CTNND2: variants seen among roughly 807,000 people sequenced by gnomAD.
CTNND2 encodes catenin delta-2.
In CTNND2, 22 loss-of-function variants were observed where a neutral mutation model predicts 144.4. The ratio of observed to expected loss-of-function variants is 0.15; its 90% CI spans 0.11 to 0.22. CTNND2 has a LOEUF of 0.22. Ranked by LOEUF, CTNND2 falls within the 10% of genes least tolerant of loss-of-function variation. CTNND2 has a pLI of 1.00. For synonymous variants in CTNND2, 751 were observed against 695.6 expected (o/e 1.08, Z -1.25); for missense variants, 1,353 against 1,618.8 (o/e 0.84, Z 2.82).
intron 1 of CTNND2, among the ~76,000 whole-genome samples, chr5:11,873,958 T>C (rs749436518): frequency 2.0e-5 from 3 of 152,198 alleles, no homozygotes; most frequent in Non-Finnish European, 4.4e-5. Context: ...CTAATATTAC[T>C]ACCTGCAGGG....
intron 2 of CTNND2, among the ~76,000 whole-genome samples, chr5:11,622,246 T>C (rs573489150): frequency 1.3e-5 from 2 of 152,280 alleles, no homozygotes; most frequent in African/African-American, 4.8e-5. Context: ...AAGTTTATAA[T>C]GAATAGATTC....
chr5:11,630,481 T>C (rs897370729), intron 2 of CTNND2, among the ~76,000 whole-genome samples: 15 of 152,170 alleles, frequency 9.9e-5, no homozygotes, highest in East Asian at 1.9e-4. Flanking sequence ...GGCAAACCAA[T>C]TGGTGTAAAG....
chr5:11,012,119 T>G (rs578253880), intron 18 of CTNND2, among the ~76,000 whole-genome samples: 26 of 152,238 alleles, frequency 1.7e-4, no homozygotes, highest in African/African-American at 5.5e-4. Flanking sequence ...GCAACTCCCA[T>G]GGATATATTA....
chr5:11,640,054 T>A (rs1295274059), intron 2 of CTNND2, among the ~76,000 whole-genome samples: 1 of 152,238 alleles, frequency 6.6e-6, no homozygotes, highest in Non-Finnish European at 1.5e-5. Flanking sequence ...TATTGTTGCA[T>A]GTTGAAAGAA....
chr5:11,232,464 A>C (rs1010507708), intron 10 of CTNND2, among the ~76,000 whole-genome samples: 1 of 152,248 alleles, frequency 6.6e-6, no homozygotes, highest in Non-Finnish European at 1.5e-5. Context: ...ACATGAAGTC[A>C]AAGGAGATCA....
chr5:11,166,653 C>T (rs922018534), intron 11 of CTNND2, among the ~76,000 whole-genome samples: 2 of 152,084 alleles, frequency 1.3e-5, no homozygotes, highest in African/African-American at 4.8e-5. Flanking sequence ...TCCACCCACA[C>T]CCATTCACAC....
intron 1 of CTNND2, among the ~76,000 whole-genome samples, chr5:11,776,758 A>G (rs1384022765): frequency 1.3e-5 from 2 of 152,336 alleles, no homozygotes; most frequent in Non-Finnish European, 2.9e-5. Flanking sequence ...GCAAATAAAA[A>G]TTACTTTTAA....
At chr5:11,435,026 T>C (rs1230022540) in intron 3 of CTNND2, among the ~76,000 whole-genome samples, 1 of 152,152 alleles carries the variant, frequency 6.6e-6, no homozygotes, top group Non-Finnish European at 1.5e-5. Context: ...TTTTACTTTA[T>C]TACAGAAATA....
At chr5:11,753,611 A>G (rs952121042) in intron 1 of CTNND2, among the ~76,000 whole-genome samples, 1 of 151,768 alleles carries the variant, frequency 6.6e-6, no homozygotes, top group African/African-American at 2.4e-5. Flanking sequence ...ATGTTCATCA[A>G]GGATATTGGC....
At chr5:11,363,482 A>G (rs576186308) in intron 8 of CTNND2, among the ~76,000 whole-genome samples, 98 of 152,336 alleles carry the variant, frequency 6.4e-4, no homozygotes, top group African/African-American at 2.3e-3. Context: ...CCCAACTCCA[A>G]GCAGGAGTGG....
chr5:11,778,435 T>C (rs4285221), intron 1 of CTNND2, among the ~76,000 whole-genome samples: 148,941 of 152,272 alleles, frequency 0.98, 72,921 homozygotes, highest in South Asian at 1. Flanking sequence ...CAGGTGACAT[T>C]GTCAGCATCA....
intron 9 of CTNND2, among the ~76,000 whole-genome samples, chr5:11,333,000 A>C (rs1456880364): frequency 6.6e-6 from 1 of 152,122 alleles, no homozygotes; most frequent in Non-Finnish European, 1.5e-5. Context: ...AGTCCATTAA[A>C]CTTGTTTGTC....
At chr5:11,344,207 A>AT in intron 9 of CTNND2, among the ~76,000 whole-genome samples, 1 of 152,014 alleles carries the variant, frequency 6.6e-6, no homozygotes, top group African/African-American at 2.4e-5. Context: ...GATCGAGACC[A>AT]CGGTGAAACC....
At chr5:11,900,701 T>C (rs573864704) in intron 1 of CTNND2, among the ~76,000 whole-genome samples, 13 of 152,202 alleles carry the variant, frequency 8.5e-5, no homozygotes, top group Non-Finnish European at 1.9e-4. Flanking sequence ...AGAAGATGAA[T>C]GAGGAAAACC....
chr5:11,763,829 G>C (rs1265522690), intron 1 of CTNND2, among the ~76,000 whole-genome samples: 1 of 152,084 alleles, frequency 6.6e-6, no homozygotes, highest in East Asian at 1.9e-4. Flanking sequence ...ATTGCATCTT[G>C]ATCTTCCTTG....
intron 3 of CTNND2, among the ~76,000 whole-genome samples, chr5:11,524,259 C>T (rs1317255197): frequency 6.6e-6 from 1 of 152,204 alleles, no homozygotes; most frequent in African/African-American, 2.4e-5. Context: ...TGTGCCCTTT[C>T]ACCTCCTAAC....
intron 1 of CTNND2, among the ~76,000 whole-genome samples, chr5:11,890,984 G>A (rs1021004257): frequency 6.6e-6 from 1 of 152,168 alleles, no homozygotes; most frequent in Non-Finnish European, 1.5e-5. Context: ...GACGGCTGTA[G>A]GAATGATGAG....
At chr5:11,278,300 C>A (rs554439365) in intron 9 of CTNND2, among the ~76,000 whole-genome samples, 1 of 152,214 alleles carries the variant, frequency 6.6e-6, no homozygotes, top group Non-Finnish European at 1.5e-5. Flanking sequence ...TGCTTCCTCA[C>A]TGGGCTTCTT....
chr5:11,550,892 T>A (rs1013594480), intron 3 of CTNND2, among the ~76,000 whole-genome samples: 2 of 152,200 alleles, frequency 1.3e-5, no homozygotes, highest in Non-Finnish European at 2.9e-5. Context: ...AATGTTTTTT[T>A]GAAGTAAGTA....
Sources: gnomAD v4.1 joint callset for allele counts (sites outside exome capture counted in the v4.1 genomes callset) on GRCh38, gnomAD v4.1.1 for gene constraint, MANE v1.5 for transcripts, NCBI Gene and HGNC (gene_info 2026-07-23, HGNC 2026-07-21) for gene names.